SLC1A2: variants seen among roughly 807,000 people sequenced by gnomAD.
SLC1A2 encodes the protein excitatory amino acid transporter 2.
A neutral mutation model predicts 48.8 loss-of-function variants in SLC1A2; 15 were observed. The observed-to-expected ratio is 0.31, with a 90% confidence interval of 0.21 to 0.47. The LOEUF (loss-of-function observed/expected upper bound fraction) is 0.47. SLC1A2 is among the 20% of genes least tolerant of loss of function. SLC1A2 has a pLI of 0.99. For missense variants in SLC1A2, 502 were observed against 730.5 expected, an observed-to-expected ratio of 0.69 and a Z score of 3.61; for synonymous variants, 279 against 272.6, an observed-to-expected ratio of 1.02 and a Z score of -0.23.
At chr11:35,311,623 T>C (rs1429399210) in intron 4 of SLC1A2, among the ~76,000 whole-genome samples, 1 of 152,176 alleles carries the variant, frequency 6.6e-6, no homozygotes, top group Non-Finnish European at 1.5e-5. Flanking sequence ...TTTCATAATC[T>C]GCATGTATTA....
At chr11:35,382,058 A>G (rs1174096086) in intron 1 of SLC1A2, among the ~76,000 whole-genome samples, 1 of 152,226 alleles carries the variant, frequency 6.6e-6, no homozygotes. Context: ...TAACATGCCC[A>G]TTTTACAGAT....
At chr11:35,391,866 C>T (rs185898359) in intron 1 of SLC1A2, among the ~76,000 whole-genome samples, 2 of 152,200 alleles carry the variant, frequency 1.3e-5, no homozygotes, top group East Asian at 3.9e-4. Context: ...TTTGGTAACT[C>T]TGGATATCCA....
intron 1 of SLC1A2, among the ~76,000 whole-genome samples, chr11:35,335,063 C>A (rs1453914916): frequency 6.6e-6 from 1 of 152,046 alleles, no homozygotes; most frequent in East Asian, 1.9e-4. Flanking sequence ...GCTGAAAGAA[C>A]CTGATACTTT....
Position 35,333,749 on chromosome 11 carries a change from C to T in SLC1A2, c.18-16233G>A, listed in dbSNP as rs150398416. 5.0e-3 allele frequency among the ~76,000 whole-genome samples: 762 copies of T among 152,140 alleles called. 13 individuals are homozygous for T. The highest frequency in any genetic ancestry group is 0.018 in the African/African-American group (742 of 41,492). On this transcript the variant is annotated intron_variant, in intron 1 of 10. Transcript: ENST00000278379. ...CGATCTCAGCTCACTATAACCTCTGCCTCCCAGGTTCAAGCAATTCTCATG... is the reference window on the plus strand; with the variant it reads ...CGATCTCAGCTCACTATAACCTCTGTCTCCCAGGTTCAAGCAATTCTCATG...
chr11:35,392,343 G>A (rs867876498), intron 1 of SLC1A2: 13 of 152,234 alleles, frequency 8.5e-5, no homozygotes, highest in African/African-American at 3.1e-4. Context: ...CAGATACAGA[G>A]GAAAATCAGG....
intron 1 of SLC1A2, among the ~76,000 whole-genome samples, chr11:35,357,001 G>A (rs1853496507): frequency 6.6e-6 from 1 of 152,148 alleles, no homozygotes; most frequent in Admixed American, 6.5e-5. Flanking sequence ...CAGCACGCTG[G>A]GAGGTCGAGG....
intron 1 of SLC1A2, among the ~76,000 whole-genome samples, chr11:35,377,136 C>A (rs1854264016): frequency 1.3e-5 from 2 of 152,100 alleles, no homozygotes; most frequent in Admixed American, 6.5e-5. Context: ...TTAGCGCTCA[C>A]TACATCCTTA....
At chr11:35,359,726 T>C (rs758977814) in intron 1 of SLC1A2, among the ~76,000 whole-genome samples, 8 of 152,166 alleles carry the variant, frequency 5.3e-5, no homozygotes, top group Non-Finnish European at 1.0e-4. Context: ...GACCTGTGCA[T>C]TTTATTCAGC....
chr11:35,348,782 A>C (rs929864417), intron 1 of SLC1A2, among the ~76,000 whole-genome samples: 2 of 150,766 alleles, frequency 1.3e-5, no homozygotes, highest in Non-Finnish European at 2.9e-5. Context: ...AATCCCAGCT[A>C]CTCGGGAGGC....
chr11:35,286,018 G>C (rs1296233049), intron 8 of SLC1A2: 4 of 152,184 alleles, frequency 2.6e-5, no homozygotes, highest in Admixed American at 2.6e-4. Context: ...TGAATGGGCT[G>C]AAGACTGATA....
chr11:35,372,305 G>A (rs1315797648), intron 1 of SLC1A2, among the ~76,000 whole-genome samples: 1 of 152,192 alleles, frequency 6.6e-6, no homozygotes, highest in Admixed American at 6.5e-5. Flanking sequence ...CCACCCAGGT[G>A]ATGGCTTCAT....
chr11:35,309,897 C>G (rs115496816), intron 4 of SLC1A2, among the ~76,000 whole-genome samples: 2,689 of 152,254 alleles, frequency 0.018, 79 homozygotes, highest in African/African-American at 0.061. Context: ...GATACTGAGC[C>G]TACTGAGGGA....
At chr11:35,385,529 T>C (rs1379710743) in intron 1 of SLC1A2, among the ~76,000 whole-genome samples, 1 of 152,232 alleles carries the variant, frequency 6.6e-6, no homozygotes, top group East Asian at 1.9e-4. Context: ...AGCAGTCAAA[T>C]GTTCTTTCTC....
intron 9 of SLC1A2, among the ~76,000 whole-genome samples, chr11:35,272,367 T>C (rs1041961008): frequency 2.6e-5 from 4 of 152,208 alleles, no homozygotes; most frequent in African/African-American, 9.6e-5. Context: ...CAATTTGGAT[T>C]AAACTAGAAT....
rs1855699807 is a variant in SLC1A2 at position 35,419,036 on chromosome 11, G to A, written c.-70C>T. ...TGGGCGAGGGAGAAAGCGGACGCCGGGGTGAGCGCGAAGTGCGGCCGGGAG... is the reference window on the plus strand; with the variant it reads ...TGGGCGAGGGAGAAAGCGGACGCCGAGGTGAGCGCGAAGTGCGGCCGGGAG... On this transcript the variant is annotated 5_prime_UTR_variant, in exon 1 of 11. Transcript: ENST00000278379. This position sits in a 1 kb window ranked among gnomAD's most constrained non-coding sequence, Gnocchi z 5.4. 1 of 1,437,498 alleles carries A rather than the reference G, an allele frequency of 7.0e-7. No individual in the cohort carries two copies. The highest frequency in any genetic ancestry group is 9.5e-7 in the Non-Finnish European group (1 of 1,052,100). The allele number at this position is 1,437,498 out of a possible 1,614,324, so 89.0% of individuals were successfully genotyped here.
At chr11:35,404,993 G>C (rs1855242329) in intron 1 of SLC1A2, among the ~76,000 whole-genome samples, 1 of 151,960 alleles carries the variant, frequency 6.6e-6, no homozygotes, top group Admixed American at 6.6e-5. Context: ...GATAGCTTCA[G>C]CTGAAGACTT....
rs557351796 is a variant in SLC1A2, at chr11:35,309,210, T to C, written c.562-2968A>G. ...TGTCTTAATGTTTAAGTCTCTTCTGTGTTTCCCTGATGTTTGTTTTGGTCT... is the reference window on the plus strand; with the variant it reads ...TGTCTTAATGTTTAAGTCTCTTCTGCGTTTCCCTGATGTTTGTTTTGGTCT... On this transcript the variant is annotated intron_variant, in intron 4 of 10. Coordinates refer to ENST00000278379, the MANE Select transcript of SLC1A2 (RefSeq NM_004171.4). 3.9e-5 allele frequency among the ~76,000 whole-genome samples: 6 copies of C among 152,280 alleles called. No individual in the cohort carries two copies. In the South Asian group the frequency reaches 1.2e-3, roughly 32 times the overall value.
intron 1 of SLC1A2, among the ~76,000 whole-genome samples, chr11:35,383,294 T>A (rs1180561408): frequency 6.6e-6 from 1 of 152,210 alleles, no homozygotes; most frequent in Non-Finnish European, 1.5e-5. Flanking sequence ...ATTAATTTTG[T>A]TATGTTGTGT....
intron 1 of SLC1A2, among the ~76,000 whole-genome samples, chr11:35,394,371 C>G (rs1854885610): frequency 6.6e-6 from 1 of 152,072 alleles, no homozygotes; most frequent in African/African-American, 2.4e-5. Flanking sequence ...TTGGTGTCCA[C>G]AGATGGGGGG....
Sources: gnomAD v4.1 joint callset for allele counts (sites outside exome capture counted in the v4.1 genomes callset) on GRCh38, gnomAD v4.1.1 for gene constraint, Gnocchi (gnomAD v3.1) non-coding constraint, MANE v1.5 for transcripts, NCBI Gene and HGNC (gene_info 2026-07-23, HGNC 2026-07-21) for gene names.